Variants in MTCL2 observed in about 807,000 individuals in gnomAD.
The protein encoded by MTCL2 is microtubule cross-linking factor 2.
chr20:36,789,136 A>T, the MTCL2 span, among the ~76,000 whole-genome samples: 1 of 152,166 alleles, frequency 6.6e-6, no homozygotes, highest in Non-Finnish European at 1.5e-5. Flanking sequence ...AAGAAGAACT[A>T]CTGGGTCAAT....
chr20:36,785,634 T>C, the MTCL2 span: 51 of 985,072 alleles, frequency 5.2e-5, no homozygotes, highest in Non-Finnish European at 5.9e-5. Context: ...GCCTCTGAGA[T>C]CACTTGAGAT....
chr20:36,846,272 CA>C, the MTCL2 span, among the ~76,000 whole-genome samples: 1 of 152,076 alleles, frequency 6.6e-6, no homozygotes, highest in Non-Finnish European at 1.5e-5. Flanking sequence ...TGCCAGACAA[CA>C]AAAGGGCACA....
chr20:36,863,248 C>G, the MTCL2 span: 3 of 1,197,430 alleles, frequency 2.5e-6, no homozygotes, highest in Middle Eastern at 3.3e-4. The surrounding 1 kb of genome is among the most constrained non-coding windows in gnomAD (Gnocchi z 6.2). Context: ...GGCGACGGCG[C>G]GCGGTGGCTC....
the MTCL2 span, chr20:36,784,419 G>C: frequency 1.9e-4 from 188 of 985,728 alleles, no homozygotes; most frequent in South Asian, 6.1e-3. Flanking sequence ...GAATGGGTGG[G>C]TCTGGGAACT....
chr20:36,860,519 G>T, the MTCL2 span, among the ~76,000 whole-genome samples: 3 of 152,124 alleles, frequency 2.0e-5, no homozygotes, highest in African/African-American at 7.2e-5. Context: ...AGGAGAAAGA[G>T]CCCAGCCTGC....
chr20:36,830,100 C>G, the MTCL2 span, among the ~76,000 whole-genome samples: 6 of 152,170 alleles, frequency 3.9e-5, no homozygotes, highest in Admixed American at 1.3e-4. Flanking sequence ...TCCCGAGTAG[C>G]TGAGATTACA....
chr20:36,798,182 G>T, the MTCL2 span, among the ~76,000 whole-genome samples: 1 of 151,816 alleles, frequency 6.6e-6, no homozygotes, highest in Non-Finnish European at 1.5e-5. Flanking sequence ...CAATTCTCCT[G>T]CCTCAGCCTC....
At chr20:36,828,231 T>TG in the MTCL2 span, among the ~76,000 whole-genome samples, 4 of 152,096 alleles carry the variant, frequency 2.6e-5, no homozygotes, top group Non-Finnish European at 4.4e-5. Context: ...AACCCTGGAA[T>TG]GGGGGGATTC....
chr20:36,862,635 C>T, the MTCL2 span: 1 of 1,486,774 alleles, frequency 6.7e-7, no homozygotes, highest in South Asian at 1.3e-5. Context: ...CTGCGACCTC[C>T]CTTTCTACCC....
chr20:36,803,135 G>A, the MTCL2 span: 1 of 1,571,352 alleles, frequency 6.4e-7, no homozygotes, highest in Non-Finnish European at 8.6e-7. Flanking sequence ...CTAAGCAGCT[G>A]GCAGCAGGAG....
At chr20:36,846,420 G>C in the MTCL2 span, among the ~76,000 whole-genome samples, 1 of 152,308 alleles carries the variant, frequency 6.6e-6, no homozygotes, top group Admixed American at 6.5e-5. Flanking sequence ...AGCTGGACTA[G>C]AAACGGGGAA....
chr20:36,819,326 C>A, the MTCL2 span, among the ~76,000 whole-genome samples: 3 of 152,100 alleles, frequency 2.0e-5, no homozygotes, highest in African/African-American at 7.2e-5. Context: ...AAAATGGCCC[C>A]AGGTGATTTG....
At chr20:36,809,643 T>C in the MTCL2 span, among the ~76,000 whole-genome samples, 15 of 150,562 alleles carry the variant, frequency 1.0e-4, no homozygotes, top group African/African-American at 2.7e-4. Context: ...TGGGATGATC[T>C]CGGCTCACTG....
chr20:36,813,930 G>A, the MTCL2 span, among the ~76,000 whole-genome samples: 1 of 151,982 alleles, frequency 6.6e-6, no homozygotes, highest in African/African-American at 2.4e-5. Context: ...GACACACCAC[G>A]CTCCTTCCGC....
At chr20:36,813,313 T>TAAAAAAAAAAAAAAAAA in the MTCL2 span, among the ~76,000 whole-genome samples, 2 of 41,900 alleles carry the variant, frequency 4.8e-5, no homozygotes, top group African/African-American at 1.3e-4. Context: ...ACTGTTTCTT[T>TAAAAAAAAAAAAAAAAA]AAAAAAAAAA....
At chr20:36,799,442 A>G in the MTCL2 span, among the ~76,000 whole-genome samples, 1 of 152,086 alleles carries the variant, frequency 6.6e-6, no homozygotes, top group Non-Finnish European at 1.5e-5. Context: ...CGGTGAGCCA[A>G]GATCGCGCCA....
At chr20:36,784,529 C>G in the MTCL2 span, 1 of 985,460 alleles carries the variant, frequency 1.0e-6, no homozygotes, top group African/African-American at 1.7e-5. Context: ...ATTCTGCAGA[C>G]AAGCTGATCC....
the MTCL2 span, among the ~76,000 whole-genome samples, chr20:36,859,169 G>A: frequency 6.6e-6 from 1 of 152,144 alleles, no homozygotes; most frequent in Non-Finnish European, 1.5e-5. Context: ...CACAGTAAAC[G>A]GGAGAGTCAG....
chr20:36,805,113 C>G, the MTCL2 span, among the ~76,000 whole-genome samples: 270 of 152,256 alleles, frequency 1.8e-3, no homozygotes, highest in Middle Eastern at 0.01. Flanking sequence ...AAATCTGACA[C>G]CAAGAAAAAA....
Sources: allele counts gnomAD v4.1 joint callset (sites outside exome capture counted in the v4.1 genomes callset), GRCh38; gene constraint gnomAD v4.1.1; non-coding constraint Gnocchi (gnomAD v3.1); transcripts MANE v1.5; gene names NCBI Gene and HGNC (gene_info 2026-07-23, HGNC 2026-07-21).